Variants in ANKEF1 observed in about 807,000 individuals in gnomAD.
ANKEF1 encodes ankyrin repeat and EF-hand domain-containing protein 1.
ANKEF1 carries 43 observed loss-of-function variants against 65.1 expected under a neutral mutation model. That is an observed-to-expected ratio of 0.66 (90% CI 0.52 to 0.85). The LOEUF (loss-of-function observed/expected upper bound fraction) is 0.85, where lower values mean the gene tolerates loss of function less well. Ranked by LOEUF, ANKEF1 falls within the 40% of genes least tolerant of loss-of-function variation. ANKEF1 has a pLI of 0.00. For synonymous variants in ANKEF1, 316 were observed against 341.5 expected (o/e 0.93, Z 0.82); for missense variants, 934 against 952.9 (o/e 0.98, Z 0.26).
At chr20:10,042,899 G>C (rs1490411257) in intron 3 of ANKEF1, among the ~76,000 whole-genome samples, 1 of 152,194 alleles carries the variant, frequency 6.6e-6, no homozygotes, top group East Asian at 1.9e-4. Flanking sequence ...TCTTCCATAA[G>C]CCAGGTCCTA....
At chr20:10,048,406 GTTAC>G (rs897523536) in intron 6 of ANKEF1, among the ~76,000 whole-genome samples, 1 of 151,920 alleles carries the variant, frequency 6.6e-6, no homozygotes, top group African/African-American at 2.4e-5. Flanking sequence ...TATTCTTTGT[GTTAC>G]AAATAATCCA....
chr20:10,041,158 A>C (rs1199731044), intron 3 of ANKEF1, among the ~76,000 whole-genome samples: 1 of 151,904 alleles, frequency 6.6e-6, no homozygotes, highest in Non-Finnish European at 1.5e-5. Flanking sequence ...AAATATATCT[A>C]ATATATAAAA....
Position 10,051,675 on chromosome 20 carries a change from T to C in ANKEF1, c.1656T>C (p.Asn552=), listed in dbSNP as rs778648871. The change falls in exon 8 of 11, where the codon AAT becomes AAC. Residue 552 remains asparagine, a synonymous_variant. Coordinates refer to ENST00000378392, the MANE Select transcript of ANKEF1 (RefSeq NM_022096.6). ...KFLLEKGANV[N]ATDNFLWTPL... is the part of the protein sequence containing the mutation. ...TCTTATTTTACAGAGCTAACGTTAA[T>C]GCAACAGATAACTTTCTGTGGACTC... 19 of 1,612,552 alleles carry C rather than the reference T, an allele frequency of 1.2e-5. No individual in the cohort carries two copies. Among genetic ancestry groups the C allele is most frequent in the Middle Eastern group, 3.3e-4 (2 of 6,078 alleles).
At chr20:10,053,385 A>T in intron 9 of ANKEF1, 110 bp downstream of exon 9, 1 of 883,548 alleles carries the variant, frequency 1.1e-6, no homozygotes, top group East Asian at 2.5e-5. Flanking sequence ...GTAAGATAAT[A>T]TGCAGTGCAT....
intron 6 of ANKEF1, 68 bp downstream of exon 6, chr20:10,045,765 A>G: frequency 6.4e-7 from 1 of 1,558,592 alleles, no homozygotes. Context: ...TAAGCAGAGA[A>G]TTTGGGCCTA....
rs1018116966 is a variant in ANKEF1, at chr20:10,057,546, A to G, written c.*1886A>G. The G allele has an allele frequency of 1.3e-5, 2 of 152,170 alleles. No individual in the cohort carries two copies. The highest frequency in any genetic ancestry group is 4.8e-5 in the African/African-American group (2 of 41,452). 9.4% of individuals were successfully genotyped at this position (152,170 alleles called of 1,614,324 possible). A position where few individuals can be genotyped will look rare whatever the true frequency, so the allele number is the denominator to read the frequency against. On this transcript the variant is annotated 3_prime_UTR_variant, in exon 11 of 11. Coordinates refer to ENST00000378392, the MANE Select transcript of ANKEF1 (RefSeq NM_022096.6). Reference sequence around the variant, plus strand: ...TCTTTCTCCCTCTACATATATGCATATGTATGTTTAATTTTTGTCCCCGAA... The same window carrying G: ...TCTTTCTCCCTCTACATATATGCATGTGTATGTTTAATTTTTGTCCCCGAA...
Position 10,045,536 on chromosome 20 carries a change from T to C in ANKEF1, c.697-38T>C, listed in dbSNP as rs750797822. 3.1e-6 allele frequency: 5 copies of C among 1,605,330 alleles called. No individual in the cohort carries two copies. The Admixed American group carries it at 6.7e-5, about 21-fold the overall frequency. The stretch of plus-strand genomic sequence containing the variant: ...TCAGTCTTTATATAGTAAATGTACA[T>C]TCCTATTCCTCCACAATATCCACTA... On this transcript the variant is annotated intron_variant, in intron 5 of 10. Transcript: ENST00000378392.
rs771072670 is a variant in ANKEF1, at chr20:10,038,569, G to C, written c.268G>C (p.Glu90Gln). The change falls in exon 3 of 11, where the codon GAA becomes CAA. Residue 90 changes from glutamate to glutamine, a missense_variant. Glu to Gln is a conservative substitution (Grantham distance 29, BLOSUM62 2). Coordinates refer to ENST00000378392, the MANE Select transcript of ANKEF1 (RefSeq NM_022096.6). ...MGCTPTMRAA[E>Q]LGHELSMEIL... ...CTGTACTCCCACAATGAGGGCTGCA[G>C]AACTGGGCCATGAATTGTCAATGGA... 17 of 1,614,102 alleles carry C rather than the reference G, an allele frequency of 1.1e-5. No homozygotes were observed. The highest frequency in any genetic ancestry group is 1.7e-5 in the Admixed American group (1 of 60,012).
At chr20:10,044,642 A>G in intron 5 of ANKEF1, 99 bp downstream of exon 5, 4 of 1,169,800 alleles carry the variant, frequency 3.4e-6, no homozygotes, top group Non-Finnish European at 4.6e-6. Flanking sequence ...TAAGGCAGAC[A>G]TTTTTCTGAG....
rs181157352 is a variant in ANKEF1, at chr20:10,052,499, A to G, written c.1870+610A>G. ...ACCATACAGGAAAAATTAAAAAATC[A>G]TTTGAATATATTTGAGCTCCTTGTT... On this transcript the variant is annotated intron_variant, in intron 8 of 10. Coordinates refer to ENST00000378392, the MANE Select transcript of ANKEF1 (RefSeq NM_022096.6). Among the ~76,000 whole-genome samples, 747 of 152,310 alleles carry G rather than the reference A, an allele frequency of 4.9e-3. 4 individuals carry two copies. The highest frequency in any genetic ancestry group is 8.0e-3 in the Non-Finnish European group (547 of 68,032).
intron 3 of ANKEF1, among the ~76,000 whole-genome samples, chr20:10,042,702 C>T (rs1984262751): frequency 1.3e-5 from 2 of 152,216 alleles, no homozygotes; most frequent in African/African-American, 4.8e-5. Context: ...GGTCAGTCTA[C>T]ACATTTCATC....
chr20:10,037,076 T>C (rs2122216289), intron 2 of ANKEF1, among the ~76,000 whole-genome samples: 1 of 152,188 alleles, frequency 6.6e-6, no homozygotes, highest in South Asian at 2.1e-4. Context: ...AGAATGTAGG[T>C]GAGGGAGCAG....
Position 10,054,495 on chromosome 20 carries a change from A to ATTTGATGTGGTT in ANKEF1, c.2068_2069insTTTGATGTGGTT (p.Thr690delinsIleTer). 1 of 1,601,940 alleles carries ATTTGATGTGGTT rather than the reference A, an allele frequency of 6.2e-7. No homozygotes were observed. Among genetic ancestry groups the ATTTGATGTGGTT allele is most frequent in the Non-Finnish European group, 8.5e-7 (1 of 1,175,808 alleles). ...GTCATCAATTTATGGTGTACCAACC[A>ATTTGATGTGGTT]CATCAGAGGGAAAGAAAGTACAGAA... On this transcript the variant is annotated stop_gained and protein_altering_variant, in exon 10 of 11. Coordinates refer to ENST00000378392, the MANE Select transcript of ANKEF1 (RefSeq NM_022096.6). LOFTEE classifies it high-confidence loss of function.
chr20:10,050,739 C>T (rs147174207), intron 7 of ANKEF1, among the ~76,000 whole-genome samples: 7 of 152,270 alleles, frequency 4.6e-5, no homozygotes, highest in South Asian at 2.1e-4. Context: ...AGTGGCAGCA[C>T]GGCTCAGTCC....
intron 7 of ANKEF1, 124 bp downstream of exon 7, chr20:10,050,336 T>G: frequency 1.4e-6 from 1 of 712,960 alleles, no homozygotes; most frequent in South Asian, 2.2e-5. Context: ...TAATAAGGCT[T>G]TAATATATAA....
rs1324403816 is a variant in ANKEF1 at position 10,049,491 on chromosome 20, A to G, written c.922A>G (p.Arg308Gly). ...AAGCAAAGAAATACGCCGAGCAGAG[A>G]GAATCGCTAATAAACTAGCCAGGCC... is the stretch of plus-strand genomic sequence containing the variant. ...AASKEIRRAE[R>G]IANKLARPGA... The change falls in exon 7 of 11, where the codon AGA becomes GGA. Residue 308 changes from arginine to glycine, a missense_variant. By Grantham distance (125) the Arg-to-Gly change is moderately radical (BLOSUM62 -2). Coordinates refer to ENST00000378392, the MANE Select transcript of ANKEF1 (RefSeq NM_022096.6). 5.6e-6 allele frequency: 9 copies of G among 1,614,070 alleles called. No individual in the cohort carries two copies. Among genetic ancestry groups the G allele is most frequent in the Non-Finnish European group, 7.6e-6 (9 of 1,180,020 alleles).
Position 10,045,430 on chromosome 20 carries a change from C to T in ANKEF1, c.697-144C>T, listed in dbSNP as rs113123777. 221 of 791,144 alleles carry T rather than the reference C, an allele frequency of 2.8e-4. 1 individual carries two copies. The African/African-American group carries it at 3.0e-3, about 11-fold the overall frequency. 49.0% of individuals were successfully genotyped at this position (791,144 alleles called of 1,614,324 possible). ...CAAACAAATGAAACTTAAATATTTT[C>T]AGTTTAGTTCATTTCAATTTGAATT... On this transcript the variant is annotated intron_variant, in intron 5 of 10. Transcript: ENST00000378392.
chr20:10,050,368 C>T (rs1020504283), intron 7 of ANKEF1, among the ~76,000 whole-genome samples, 156 bp downstream of exon 7: 19 of 113,360 alleles, frequency 1.7e-4, no homozygotes, highest in African/African-American at 5.4e-4. Flanking sequence ...TAACAATTAA[C>T]TTATAGGCTT....
intron 6 of ANKEF1, among the ~76,000 whole-genome samples, chr20:10,047,439 G>A (rs943875214): frequency 3.3e-5 from 5 of 152,180 alleles, no homozygotes; most frequent in Non-Finnish European, 5.9e-5. Flanking sequence ...AATCAGAGCA[G>A]GAAGAAACCC....
Sources: gnomAD v4.1 joint callset for allele counts (sites outside exome capture counted in the v4.1 genomes callset) on GRCh38, gnomAD v4.1.1 for gene constraint, MANE v1.5 for transcripts, NCBI Gene and HGNC (gene_info 2026-07-23, HGNC 2026-07-21) for gene names.